DAGLA: variants seen among roughly 807,000 people sequenced by gnomAD.
The protein encoded by DAGLA is diacylglycerol lipase alpha.
A neutral mutation model predicts 102.6 loss-of-function variants in DAGLA; 22 were observed. That is an observed-to-expected ratio of 0.21 (90% CI 0.15 to 0.31). DAGLA has a LOEUF of 0.31. Among genes scored for constraint, DAGLA ranks in the 10% least tolerant of loss-of-function variants. The pLI is 1.00. For missense variants in DAGLA, 927 were observed against 1,446.6 expected, an observed-to-expected ratio of 0.64 and a Z score of 5.83; for synonymous variants, 578 against 628.9, an observed-to-expected ratio of 0.92 and a Z score of 1.21.
intron 1 of DAGLA, among the ~76,000 whole-genome samples, chr11:61,706,360 C>T (rs1036856477): frequency 1.3e-5 from 2 of 152,206 alleles, no homozygotes; most frequent in Non-Finnish European, 2.9e-5. Context: ...GGGTCTTGGG[C>T]TGGCCAGGGC....
At chr11:61,693,841 C>G (rs1264554237) in intron 1 of DAGLA, among the ~76,000 whole-genome samples, 5 of 152,232 alleles carry the variant, frequency 3.3e-5, no homozygotes, top group Non-Finnish European at 7.3e-5. Flanking sequence ...CACCGCTTCT[C>G]CCGCTTTCTT....
At position 61,744,182 on chromosome 11, in the gene DAGLA, G is replaced by A. The variant is rs767787697; in HGVS notation, c.2822G>A (p.Ser941Asn). The change falls in exon 20 of 20, where the codon AGC becomes AAC. Residue 941 changes from serine (S) to asparagine (N), a missense_variant. Around this residue, in one of 4 missense-constraint regions of DAGLA, gnomAD observed 434 missense variants for 503.3 expected, o/e 0.86. Transcript: ENST00000257215. ...QDLYCMVVPE[S>N]PTSDYAEGPK... is the part of the protein sequence containing the mutation. Reference sequence around the variant, plus strand: ...CTCTACTGCATGGTGGTGCCCGAGAGCCCCACCAGTGACTACGCTGAGGGC... The same window carrying A: ...CTCTACTGCATGGTGGTGCCCGAGAACCCCACCAGTGACTACGCTGAGGGC... 5 of 1,612,912 alleles carry A rather than the reference G, an allele frequency of 3.1e-6. No homozygotes were observed. Among genetic ancestry groups the A allele is most frequent in the Non-Finnish European group, 4.2e-6 (5 of 1,179,994 alleles).
chr11:61,698,059 C>T (rs1435023045), intron 1 of DAGLA, among the ~76,000 whole-genome samples: 1 of 152,244 alleles, frequency 6.6e-6, no homozygotes, highest in Non-Finnish European at 1.5e-5. Flanking sequence ...CCCTTATCAC[C>T]CTTATGTTTA....
intron 1 of DAGLA, among the ~76,000 whole-genome samples, chr11:61,704,200 C>T (rs1332981470): frequency 1.3e-5 from 2 of 151,648 alleles, no homozygotes; most frequent in African/African-American, 2.4e-5. Flanking sequence ...GCTCATGGCA[C>T]CTCTGCCTCC....
chr11:61,718,918 A>G (rs982785586), intron 1 of DAGLA, among the ~76,000 whole-genome samples: 1 of 152,082 alleles, frequency 6.6e-6, no homozygotes, highest in Non-Finnish European at 1.5e-5. Flanking sequence ...TCCTCCCCGA[A>G]TGATGCCGGG....
Position 61,722,935 on chromosome 11 carries a change from C to A in DAGLA, c.384C>A (p.Asp128Glu). 6.2e-7 allele frequency: 1 copy of A among 1,614,084 alleles called. No homozygotes were observed. Among genetic ancestry groups the A allele is most frequent in the Non-Finnish European group, 8.5e-7 (1 of 1,179,958 alleles). Residue 128 changes from aspartate (D) to glutamate (E), a missense_variant, in exon 4 of 20, where the codon GAC (aspartate) becomes GAA (glutamate). Asp to Glu is a conservative substitution (Grantham distance 45). Coordinates refer to ENST00000257215, the MANE Select transcript of DAGLA (RefSeq NM_006133.3). ...CTCAGTACTACACCTCCTGCAACGA[C>A]CTCACTGCCAAGAATGTCACCCTCG... ...WLTQYYTSCN[D>E]LTAKNVTLGM...
chr11:61,729,483 C>G, intron 8 of DAGLA, among the ~76,000 whole-genome samples: 1 of 151,884 alleles, frequency 6.6e-6, no homozygotes, highest in East Asian at 1.9e-4. Flanking sequence ...AGCCCAGGGC[C>G]CAGTACAGCC....
intron 4 of DAGLA, 113 bp downstream of exon 4, chr11:61,723,073 G>A (rs1035884867): frequency 1.1e-6 from 1 of 892,028 alleles, no homozygotes; most frequent in Non-Finnish European, 1.8e-6. Flanking sequence ...CCTTCTGTGG[G>A]GGCACCAGCA....
At chr11:61,699,792 C>T (rs761704875) in intron 1 of DAGLA, among the ~76,000 whole-genome samples, 3 of 152,242 alleles carry the variant, frequency 2.0e-5, no homozygotes, top group South Asian at 2.1e-4. Context: ...CAGGGCCACC[C>T]GAATGCCACC....
intron 1 of DAGLA, among the ~76,000 whole-genome samples, chr11:61,703,678 AATGGATGGATGG>A (rs10664991): frequency 1.3e-5 from 2 of 149,460 alleles, no homozygotes; most frequent in African/African-American, 2.5e-5. Flanking sequence ...AGGATGGAGG[AATGGATGGATGG>A]ATGGATGGAT....
In DAGLA at chr11:61,743,547, T is replaced by C; in HGVS notation, c.2187T>C (p.Ser729=). The change falls in exon 20 of 20, where the codon TCT becomes TCC. Residue 729 remains serine, a synonymous_variant. Transcript: ENST00000257215. ...RNSSVRSKSQ[S]EMSLEGFSEG... is the part of the protein sequence containing the mutation. ...CCCTCTGCAGGAGCAAGTCCCAGTC[T>C]GAGATGAGCCTGGAGGGCTTCTCGG... 6.6e-7 allele frequency: 1 copy of C among 1,523,710 alleles called. No individual in the cohort carries two copies. Among genetic ancestry groups the C allele is most frequent in the Non-Finnish European group, 8.8e-7 (1 of 1,141,396 alleles). The allele number at this position is 1,523,710 out of a possible 1,614,324, so 94.4% of individuals were successfully genotyped here. A position where few individuals can be genotyped will look rare whatever the true frequency, so the allele number is the denominator to read the frequency against.
At chr11:61,703,345 T>C (rs2065123524) in intron 1 of DAGLA, among the ~76,000 whole-genome samples, 1 of 151,772 alleles carries the variant, frequency 6.6e-6, no homozygotes, top group Non-Finnish European at 1.5e-5. Context: ...ATGGGGGCGC[T>C]TGGGGTACCT....
rs1367382250 is a variant in DAGLA, at chr11:61,736,359, T to C, written c.1371+9T>C. ...CCTTTGGGCGAGACCTGGTGAGGAA[T>C]TTTCCATGGCACCAAGCCTTTTCAC... On this transcript the variant is annotated intron_variant, in intron 13 of 19. Coordinates refer to ENST00000257215, the MANE Select transcript of DAGLA (RefSeq NM_006133.3). 1 of 1,612,862 alleles carries C rather than the reference T, an allele frequency of 6.2e-7. No homozygotes were observed. The highest frequency in any genetic ancestry group is 8.5e-7 in the Non-Finnish European group (1 of 1,178,900).
chr11:61,729,151 C>G, intron 8 of DAGLA, 143 bp downstream of exon 8: 1 of 716,304 alleles, frequency 1.4e-6, no homozygotes, highest in Non-Finnish European at 2.5e-6. Context: ...TCCAGAGAGC[C>G]TCTCTGCTCA....
At chr11:61,708,848 G>A (rs532547463) in intron 1 of DAGLA, among the ~76,000 whole-genome samples, 3 of 152,288 alleles carry the variant, frequency 2.0e-5, no homozygotes, top group South Asian at 2.1e-4. Context: ...GACCAAAGCC[G>A]GGTCCAGTCC....
At chr11:61,721,219 C>A (rs2051691868) in intron 3 of DAGLA, among the ~76,000 whole-genome samples, 1 of 152,132 alleles carries the variant, frequency 6.6e-6, no homozygotes, top group Admixed American at 6.5e-5. Flanking sequence ...CATGGGGAAA[C>A]CCCGTCTCTA....
chr11:61,697,379 A>G (rs2065075075), intron 1 of DAGLA, among the ~76,000 whole-genome samples: 1 of 152,196 alleles, frequency 6.6e-6, no homozygotes, highest in Non-Finnish European at 1.5e-5. Flanking sequence ...CAAGGCCAGC[A>G]TTACCTCAGT....
At chr11:61,732,809 C>T (rs2065387294) in intron 9 of DAGLA, among the ~76,000 whole-genome samples, 1 of 152,166 alleles carries the variant, frequency 6.6e-6, no homozygotes, top group Non-Finnish European at 1.5e-5. Context: ...AACAGCCTGG[C>T]CAGAGGGAGA....
chr11:61,725,880 G>T, intron 5 of DAGLA, 115 bp from the exon 6 acceptor site: 1 of 957,732 alleles, frequency 1.0e-6, no homozygotes, highest in South Asian at 1.4e-5. Context: ...AACCCACTGC[G>T]GGAACCCTTT....
Sources: allele counts gnomAD v4.1 joint callset (sites outside exome capture counted in the v4.1 genomes callset), GRCh38; gene constraint gnomAD v4.1.1; regional missense constraint gnomAD v4.1.1; transcripts MANE v1.5; gene names NCBI Gene and HGNC (gene_info 2026-07-23, HGNC 2026-07-21).